PM20D2: variants seen among roughly 807,000 people sequenced by gnomAD.
The protein encoded by PM20D2 is peptidase M20 domain containing 2, also known as xaa-Arg dipeptidase.
PM20D2 carries 33 observed loss-of-function variants against 42.9 expected under a neutral mutation model. The observed-to-expected ratio is 0.77, with a 90% CI of 0.58 to 1.03. The LOEUF (loss-of-function observed/expected upper bound fraction) is 1.03, where lower values mean the gene tolerates loss of function less well. Ranked by LOEUF, PM20D2 falls within the 50% of genes least tolerant of loss-of-function variation. The pLI is 0.00. For missense variants in PM20D2, 548 were observed against 557.0 expected, an observed-to-expected ratio of 0.98 and a Z score of 0.16; for synonymous variants, 250 against 228.2, an observed-to-expected ratio of 1.10 and a Z score of -0.86.
At chr6:89,139,597 T>A in the PM20D2 span, among the ~76,000 whole-genome samples, 1 of 152,200 alleles carries the variant, frequency 6.6e-6, no homozygotes, top group Non-Finnish European at 1.5e-5. Context: ...TAGTTCCAGC[T>A]ACTCTGGATG....
At chr6:89,159,007 G>T (rs1333461822) in intron 5 of PM20D2, among the ~76,000 whole-genome samples, 1 of 152,136 alleles carries the variant, frequency 6.6e-6, no homozygotes, top group African/African-American at 2.4e-5. Flanking sequence ...GGTGAAAATG[G>T]GGTGTCGGTG....
chr6:89,112,921 A>G, the PM20D2 span, among the ~76,000 whole-genome samples: 2 of 152,146 alleles, frequency 1.3e-5, no homozygotes, highest in Admixed American at 6.5e-5. Context: ...ACATGTAGGT[A>G]AATGTCTTAA....
the PM20D2 span, among the ~76,000 whole-genome samples, chr6:89,100,935 T>C: frequency 3.5e-4 from 53 of 151,918 alleles, no homozygotes; most frequent in East Asian, 3.1e-3. Context: ...TGAAACCCCA[T>C]CTCTACTAAA....
At position 89,153,185 on chromosome 6, in the gene PM20D2, G is replaced by A; in HGVS notation, c.757G>A (p.Gly253Ser). ...QQMKPTWRVH[G>S]IIKNGGVKPN... is the part of the protein sequence containing the mutation. ...AATGAAACCAACCTGGAGAGTTCAT[G>A]GTATGAATGTCAAATACCTTCTATA... The change falls in exon 3 of 7, where the codon GGT becomes AGT. Residue 253 changes from glycine (G) to serine (S), a missense_variant and splice_region_variant. Transcript: ENST00000275072. The A allele has an allele frequency of 6.3e-7, 1 of 1,588,054 alleles. No homozygotes were observed. Among genetic ancestry groups the A allele is most frequent in the South Asian group, 1.2e-5 (1 of 85,816 alleles).
the PM20D2 span, chr6:89,117,839 C>G: frequency 1.3e-6 from 2 of 1,559,342 alleles, no homozygotes; most frequent in South Asian, 2.3e-5. Flanking sequence ...GCGTCCGCGA[C>G]GTTCCTGATG....
chr6:89,146,181 G>A lies in PM20D2; in HGVS notation c.37G>A (p.Ala13Thr). 6.5e-7 allele frequency: 1 copy of A among 1,533,406 alleles called. No individual in the cohort carries two copies. The allele number at this position is 1,533,406 out of a possible 1,614,324, so 95.0% of individuals were successfully genotyped here. A position where few individuals can be genotyped will look rare whatever the true frequency, so the allele number is the denominator to read the frequency against. Residue 13 changes from alanine (A) to threonine (T), a missense_variant, in exon 1 of 7, where the codon GCG (alanine) becomes ACG (threonine). Ala to Thr is a moderately conservative substitution (Grantham distance 58). Coordinates refer to ENST00000275072, the MANE Select transcript of PM20D2 (RefSeq NM_001010853.3). ...PGGERPVEGG[A>T]CNGRSELELL... ...AGGGGAGCGGCCCGTGGAAGGGGGC[G>A]CGTGCAATGGCCGCTCCGAGCTGGA...
chr6:89,103,669 A>G, the PM20D2 span, among the ~76,000 whole-genome samples: 1,850 of 152,212 alleles, frequency 0.012, 26 homozygotes, highest in Non-Finnish European at 0.015. Flanking sequence ...CATATTGCTC[A>G]GGATGGTCTT....
the PM20D2 span, among the ~76,000 whole-genome samples, chr6:89,103,762 T>C: frequency 2.0e-5 from 3 of 152,184 alleles, no homozygotes; most frequent in Non-Finnish European, 2.9e-5. Context: ...ACCTGGTCCA[T>C]ATAATTAATT....
chr6:89,103,686 C>T, the PM20D2 span, among the ~76,000 whole-genome samples: 1 of 151,972 alleles, frequency 6.6e-6, no homozygotes, highest in Non-Finnish European at 1.5e-5. Flanking sequence ...TCTTGAACTC[C>T]TGACCTCAAG....
In PM20D2 at chr6:89,161,829, TC is replaced by T. The variant is rs1341037120; in HGVS notation, c.1097del (p.Pro366HisfsTer10). On this transcript the variant is annotated frameshift_variant, in exon 6 of 7. Coordinates refer to ENST00000275072, the MANE Select transcript of PM20D2 (RefSeq NM_001010853.3). LOFTEE classifies it high-confidence loss of function. ...TTAGTTTTGTGGTTCCTGGAATTCA[TC>T]CATATTTTCACATTGGATCTAATGC... ...NVSFVVPGIH[P>X]YFHIGSNALN... 6.2e-7 allele frequency: 1 copy of T among 1,613,798 alleles called. No homozygotes were observed.
At chr6:89,128,368 A>G in the PM20D2 span, among the ~76,000 whole-genome samples, 8 of 152,074 alleles carry the variant, frequency 5.3e-5, no homozygotes, top group Non-Finnish European at 1.0e-4. Flanking sequence ...GGGTGGGGAG[A>G]AAACTCCACC....
the PM20D2 span, among the ~76,000 whole-genome samples, chr6:89,095,699 A>G: frequency 6.6e-6 from 1 of 152,246 alleles, no homozygotes; most frequent in Admixed American, 6.5e-5. Context: ...GTGGCCTAAA[A>G]TTAAATCCGA....
chr6:89,098,256 A>G, the PM20D2 span: 1 of 181,504 alleles, frequency 5.5e-6, no homozygotes, highest in Non-Finnish European at 1.1e-5. Flanking sequence ...GGTATTATTA[A>G]TAGTACTAAT....
the PM20D2 span, among the ~76,000 whole-genome samples, chr6:89,117,457 G>A: frequency 2.0e-5 from 3 of 152,168 alleles, no homozygotes; most frequent in African/African-American, 7.2e-5. Flanking sequence ...GAGCTGAAAC[G>A]CGGGCACTCG....
the PM20D2 span, among the ~76,000 whole-genome samples, chr6:89,112,742 CTTTTTTCA>C: frequency 3.3e-5 from 5 of 152,140 alleles, no homozygotes; most frequent in South Asian, 8.3e-4. Flanking sequence ...TAGCTTTTTC[CTTTTTTCA>C]TTTTTTAATA....
chr6:89,143,459 T>C (rs973853239), upstream of PM20D2, among the ~76,000 whole-genome samples: 1 of 152,122 alleles, frequency 6.6e-6, no homozygotes, highest in Non-Finnish European at 1.5e-5. Context: ...TTTTTTCTCA[T>C]CAGGAGCCAA....
At chr6:89,098,618 T>C in the PM20D2 span, 10 of 1,613,780 alleles carry the variant, frequency 6.2e-6, no homozygotes, top group Admixed American at 1.2e-4. Context: ...AGATCTGGAA[T>C]GTGACCGAAA....
the PM20D2 span, chr6:89,105,393 GAATA>G: frequency 3.2e-6 from 5 of 1,572,732 alleles, no homozygotes; most frequent in Admixed American, 2.0e-5. Flanking sequence ...TCATTCTGCT[GAATA>G]AATAAAATCT....
chr6:89,114,104 G>A, the PM20D2 span, among the ~76,000 whole-genome samples: 22 of 152,078 alleles, frequency 1.4e-4, no homozygotes, highest in Admixed American at 5.9e-4. Context: ...TAACCTAAAC[G>A]TTGATTTCTC....
Sources: allele counts gnomAD v4.1 joint callset (sites outside exome capture counted in the v4.1 genomes callset), GRCh38; gene constraint gnomAD v4.1.1; transcripts MANE v1.5; gene names NCBI Gene and HGNC (gene_info 2026-07-23, HGNC 2026-07-21).